Variants in CFAP299 observed in about 807,000 individuals in gnomAD.
CFAP299 encodes cilia- and flagella-associated protein 299.
CFAP299 carries 21 observed loss-of-function variants against 27.0 expected under a neutral mutation model. That is an observed-to-expected ratio of 0.78 (90% confidence interval 0.55 to 1.12). CFAP299 has a LOEUF of 1.12. Among genes scored for constraint, CFAP299 ranks in the 50% most tolerant of loss-of-function variants. The pLI is 0.00. For synonymous variants in CFAP299, 104 were observed against 98.1 expected (o/e 1.06, Z -0.36); for missense variants, 310 against 276.6 (o/e 1.12, Z -0.86).
intron 3 of CFAP299, among the ~76,000 whole-genome samples, chr4:80,731,231 C>G (rs1297735728): frequency 2.6e-5 from 4 of 152,084 alleles, no homozygotes; most frequent in African/African-American, 9.7e-5. Flanking sequence ...AATGCCATAT[C>G]AACTCACATA....
chr4:80,640,223 T>C (rs1373237447), intron 3 of CFAP299, among the ~76,000 whole-genome samples: 3 of 152,164 alleles, frequency 2.0e-5, no homozygotes, highest in African/African-American at 7.2e-5. Context: ...TGAAGCCGGC[T>C]CTGATTTACA....
At chr4:80,457,801 T>C (rs1001250799) in intron 2 of CFAP299, among the ~76,000 whole-genome samples, 1 of 152,166 alleles carries the variant, frequency 6.6e-6, no homozygotes, top group Non-Finnish European at 1.5e-5. Context: ...AAGGATATAA[T>C]TTTTCTAGGA....
chr4:80,934,867 C>G (rs971255250), intron 4 of CFAP299, among the ~76,000 whole-genome samples: 1 of 151,972 alleles, frequency 6.6e-6, no homozygotes, highest in South Asian at 2.1e-4. Context: ...TAATGTTTGT[C>G]TATTTCATTT....
intron 3 of CFAP299, among the ~76,000 whole-genome samples, chr4:80,776,283 C>G (rs1327213308): frequency 6.6e-6 from 1 of 152,106 alleles, no homozygotes. Context: ...ACTACAGTGT[C>G]AGGCCATAGT....
At chr4:80,433,796 T>G (rs1204928788) in intron 2 of CFAP299, among the ~76,000 whole-genome samples, 1 of 152,178 alleles carries the variant, frequency 6.6e-6, no homozygotes, top group Non-Finnish European at 1.5e-5. Context: ...AGTTATAATA[T>G]TACATTAAGA....
intron 2 of CFAP299, among the ~76,000 whole-genome samples, chr4:80,370,478 G>C (rs1333896320): frequency 6.6e-6 from 1 of 152,104 alleles, no homozygotes; most frequent in Non-Finnish European, 1.5e-5. Context: ...CTGAAACAAG[G>C]CTAGTCCCTT....
At chr4:80,644,775 T>C (rs1385265065) in intron 3 of CFAP299, among the ~76,000 whole-genome samples, 5 of 152,172 alleles carry the variant, frequency 3.3e-5, no homozygotes, top group Non-Finnish European at 7.4e-5. Context: ...GTCCCATGTG[T>C]GACTCCAAAC....
intron 2 of CFAP299, among the ~76,000 whole-genome samples, chr4:80,559,364 G>A (rs931234522): frequency 6.6e-6 from 1 of 151,590 alleles, no homozygotes; most frequent in African/African-American, 2.4e-5. Context: ...TGTACTTCTT[G>A]ATGCAGGAGT....
At chr4:80,446,217 G>T (rs553350034) in intron 2 of CFAP299, among the ~76,000 whole-genome samples, 1 of 152,332 alleles carries the variant, frequency 6.6e-6, no homozygotes, top group East Asian at 1.9e-4. Context: ...CTCTGCAGTT[G>T]TCCATATTTG....
chr4:80,665,987 A>G (rs1741127829), intron 3 of CFAP299, among the ~76,000 whole-genome samples: 2 of 152,134 alleles, frequency 1.3e-5, no homozygotes, highest in Non-Finnish European at 2.9e-5. Flanking sequence ...AGAAACCACT[A>G]TGCTTTCTGT....
intron 2 of CFAP299, among the ~76,000 whole-genome samples, chr4:80,381,102 G>A (rs1724675267): frequency 6.6e-6 from 1 of 152,104 alleles, no homozygotes. Flanking sequence ...GTTCAAGCAT[G>A]TCTGTTCTTC....
chr4:80,658,608 G>A (rs1370069783), intron 3 of CFAP299, among the ~76,000 whole-genome samples: 1 of 152,028 alleles, frequency 6.6e-6, no homozygotes, highest in East Asian at 1.9e-4. Flanking sequence ...TGTTCTGGGG[G>A]TGAGCAGTGA....
intron 3 of CFAP299, among the ~76,000 whole-genome samples, chr4:80,680,765 AT>A (rs1224752738): frequency 6.6e-6 from 1 of 152,170 alleles, no homozygotes; most frequent in Non-Finnish European, 1.5e-5. Context: ...GGAAAACCTA[AT>A]TGTGAAATCT....
At chr4:80,487,739 C>T (rs542322550) in intron 2 of CFAP299, among the ~76,000 whole-genome samples, 11 of 152,244 alleles carry the variant, frequency 7.2e-5, no homozygotes, top group African/African-American at 2.4e-4. Context: ...ATATGTTTTT[C>T]CTGCATTGCA....
At chr4:80,852,330 G>T (rs1259348040) in intron 3 of CFAP299, among the ~76,000 whole-genome samples, 1 of 152,154 alleles carries the variant, frequency 6.6e-6, no homozygotes, top group African/African-American at 2.4e-5. Flanking sequence ...CTGGGGATGG[G>T]ACTCAGCAAT....
intron 3 of CFAP299, among the ~76,000 whole-genome samples, chr4:80,795,115 TC>T: frequency 6.6e-6 from 1 of 152,282 alleles, no homozygotes; most frequent in East Asian, 1.9e-4. Flanking sequence ...ATTAAAATCC[TC>T]CCCTGCTGAG....
intron 3 of CFAP299, among the ~76,000 whole-genome samples, chr4:80,811,890 G>T (rs995102021): frequency 2.6e-5 from 4 of 151,784 alleles, no homozygotes; most frequent in Non-Finnish European, 4.4e-5. Context: ...AACAAGTCTG[G>T]AATAAAACGA....
intron 3 of CFAP299, among the ~76,000 whole-genome samples, chr4:80,853,421 C>T (rs1205833118): frequency 1.3e-5 from 2 of 152,118 alleles, no homozygotes; most frequent in South Asian, 2.1e-4. Flanking sequence ...AAGGCAAAGC[C>T]ATAGCACCTG....
At chr4:80,665,020 G>A (rs565240958) in intron 3 of CFAP299, among the ~76,000 whole-genome samples, 21 of 152,178 alleles carry the variant, frequency 1.4e-4, no homozygotes, top group African/African-American at 3.9e-4. Flanking sequence ...GTGAGGCAAC[G>A]CCTCATCCTG....
Sources: gnomAD v4.1 joint callset for allele counts (sites outside exome capture counted in the v4.1 genomes callset) on GRCh38, gnomAD v4.1.1 for gene constraint, MANE v1.5 for transcripts, NCBI Gene and HGNC (gene_info 2026-07-23, HGNC 2026-07-21) for gene names.